The following NDUFS7 variants were observed in gnomAD, a reference collection of about 807,000 sequenced individuals.
NDUFS7 encodes NADH:ubiquinone oxidoreductase core subunit S7, also known as NADH dehydrogenase [ubiquinone] iron-sulfur protein 7, mitochondrial.
A neutral mutation model predicts 31.1 loss-of-function variants in NDUFS7; 11 were observed. The observed-to-expected ratio is 0.35, with a 90% CI of 0.22 to 0.59. NDUFS7 has a LOEUF of 0.59. NDUFS7 is among the 20% of genes least tolerant of loss of function. The pLI is 0.79. For synonymous variants in NDUFS7, 136 were observed against 127.9 expected (o/e 1.06, Z -0.43); for missense variants, 263 against 324.2 (o/e 0.81, Z 1.45).
chr19:1,384,678 G>A (rs777211043), intron 1 of NDUFS7, among the ~76,000 whole-genome samples: 3 of 152,204 alleles, frequency 2.0e-5, no homozygotes, highest in Non-Finnish European at 4.4e-5. Flanking sequence ...AAGGAGTGAG[G>A]AGTGGAAATG....
In NDUFS7 at chr19:1,391,026, C is replaced by G. The variant is rs1393554294; in HGVS notation, c.384C>G (p.Asn128Lys). 1.2e-6 allele frequency: 2 copies of G among 1,613,358 alleles called. No individual in the cohort carries two copies. Among genetic ancestry groups the G allele is most frequent in the Non-Finnish European group, 1.7e-6 (2 of 1,179,922 alleles). ...TGATCGTGGCCGGCACACTCACCAACAAGATGGCCCCAGCGCTTCGCAAGG... is the reference window on the plus strand; with the variant it reads ...TGATCGTGGCCGGCACACTCACCAAGAAGATGGCCCCAGCGCTTCGCAAGG... ...DVMIVAGTLT[N>K]KMAPALRKVY... Residue 128 changes from asparagine to lysine, a missense_variant, in exon 5 of 8, where the codon AAC becomes AAG. Coordinates refer to ENST00000233627, the MANE Select transcript of NDUFS7 (RefSeq NM_024407.5).
At position 1,387,818 on chromosome 19, in the gene NDUFS7, C is replaced by A; in HGVS notation, c.24C>A (p.Gly8=). ...CCGTGGTCCTCTCTGCAGCTCCTGG[C>A]CTGCGCGGCTTCCGGATCCTTGGTC... The part of the protein sequence containing the change: MAVLSAP[G]LRGFRILGLR... Residue 8 remains glycine, a synonymous_variant, in exon 2 of 8, where the codon GGC becomes GGA. Coordinates refer to ENST00000233627, the MANE Select transcript of NDUFS7 (RefSeq NM_024407.5). 2 of 1,611,006 alleles carry A rather than the reference C, an allele frequency of 1.2e-6. No individual in the cohort carries two copies. Among genetic ancestry groups the A allele is most frequent in the African/African-American group, 1.3e-5 (1 of 74,792 alleles).
intron 4 of NDUFS7, chr19:1,389,870 T>C (rs868748718): frequency 7.3e-6 from 2 of 273,616 alleles, no homozygotes; most frequent in African/African-American, 4.5e-5. Context: ...AGGATAGTTT[T>C]TAATGCAGGA....
chr19:1,390,530 T>C, intron 4 of NDUFS7: 1 of 452,328 alleles, frequency 2.2e-6, no homozygotes, highest in South Asian at 2.3e-5. Context: ...AGTTCCCGGT[T>C]AGACCTGCGC....
rs551856533 is a variant in NDUFS7, at chr19:1,389,063, G to A, written c.228+125G>A. The A allele has an allele frequency of 1.1e-4, 95 of 838,770 alleles. No individual in the cohort carries two copies. The African/African-American group carries it at 1.4e-3, about 13-fold the overall frequency. 52.0% of individuals were successfully genotyped at this position (838,770 alleles called of 1,614,324 possible). On this transcript the variant is annotated intron_variant, in intron 4 of 7. Transcript: ENST00000233627. Reference sequence around the variant, plus strand: ...ACAACACATGCATGCACACTCACATGCGCACATGTGCATGCAAGCTCACAT... The same window carrying A: ...ACAACACATGCATGCACACTCACATACGCACATGTGCATGCAAGCTCACAT...
At position 1,395,512 on chromosome 19, in the gene NDUFS7, C is replaced by G. The variant is rs2082591719; in HGVS notation, c.*24C>G. The G allele has an allele frequency of 6.4e-7, 1 of 1,556,884 alleles. No homozygotes were observed. The highest frequency in any genetic ancestry group is 1.9e-5 in the Admixed American group (1 of 51,374). On this transcript the variant is annotated 3_prime_UTR_variant, in exon 8 of 8. Coordinates refer to ENST00000233627, the MANE Select transcript of NDUFS7 (RefSeq NM_024407.5). Reference sequence around the variant, plus strand: ...AGCGCCGCCGCCGCCGCCGCCGGAGCCTGTCGCCGTCCTGTCCCCAGCCTG... The same window carrying G: ...AGCGCCGCCGCCGCCGCCGCCGGAGGCTGTCGCCGTCCTGTCCCCAGCCTG...
In NDUFS7 at chr19:1,395,548, G is replaced by A. The variant is rs897045019; in HGVS notation, c.*60G>A. 4.0e-5 allele frequency: 61 copies of A among 1,538,682 alleles called. No homozygotes were observed. Among genetic ancestry groups the A allele is most frequent in the East Asian group, 4.9e-5 (2 of 40,950 alleles). On this transcript the variant is annotated 3_prime_UTR_variant, in exon 8 of 8. Transcript: ENST00000233627. ...CCTGTCCCCAGCCTGCTTGTGTCCC[G>A]TGAGGTTGTCAATAAACCTGCCCTC...
At chr19:1,386,047 C>A (rs778669811) in intron 1 of NDUFS7, among the ~76,000 whole-genome samples, 2 of 152,208 alleles carry the variant, frequency 1.3e-5, no homozygotes, top group Non-Finnish European at 2.9e-5. Flanking sequence ...AGGTCACAGG[C>A]TTGTGTCCTT....
chr19:1,384,140 G>A (rs1362988958), intron 1 of NDUFS7, 198 bp downstream of exon 1: 9 of 611,602 alleles, frequency 1.5e-5, no homozygotes, highest in Non-Finnish European at 2.1e-5. Flanking sequence ...GAGTACAGTC[G>A]GGGAAACCGA....
At position 1,394,444 on chromosome 19, in the gene NDUFS7, G is replaced by T. The variant is rs564060319; in HGVS notation, c.545-947G>T. 52 of 1,273,808 alleles carry T rather than the reference G, an allele frequency of 4.1e-5. No homozygotes were observed. In the African/African-American group the frequency reaches 7.4e-4, roughly 18 times the overall value. 78.9% of individuals were successfully genotyped at this position (1,273,808 alleles called of 1,614,324 possible). On this transcript the variant is annotated intron_variant, in intron 7 of 7. Transcript: ENST00000233627. Reference sequence around the variant, plus strand: ...CTGAGCTCCTCCCTCCCTGGGGACCGCGCTCCTCCCTCCCTGCGGACTGTG... The same window carrying T: ...CTGAGCTCCTCCCTCCCTGGGGACCTCGCTCCTCCCTCCCTGCGGACTGTG...
Position 1,394,650 on chromosome 19 carries a change from C to T in NDUFS7, c.545-741C>T, listed in dbSNP as rs558446765. The T allele has an allele frequency of 1.3e-4, 161 of 1,228,994 alleles. No homozygotes were observed. The South Asian group carries it at 1.9e-3, about 15-fold the overall frequency. 76.1% of individuals were successfully genotyped at this position (1,228,994 alleles called of 1,614,324 possible). A position where few individuals can be genotyped will look rare whatever the true frequency, so the allele number is the denominator to read the frequency against. ...GACCGCGCTCCTCCCTCCCTGGGGA[C>T]CTCGCTCCTCCCTCCCTCCCTGCGG... On this transcript the variant is annotated intron_variant, in intron 7 of 7. Transcript: ENST00000233627.
In NDUFS7 at chr19:1,393,662, G is replaced by A. The variant is rs2082573027; in HGVS notation, c.544+332G>A. 1.7e-6 allele frequency: 1 copy of A among 593,184 alleles called. No homozygotes were observed. The highest frequency in any genetic ancestry group is 3.0e-6 in the Non-Finnish European group (1 of 331,604). 36.7% of individuals were successfully genotyped at this position (593,184 alleles called of 1,614,324 possible). ...ATACCAAGCGAGAAGGTTCCTGGGGGCCAAGGACACTGTCCCGCGCCCTCA... is the reference window on the plus strand; with the variant it reads ...ATACCAAGCGAGAAGGTTCCTGGGGACCAAGGACACTGTCCCGCGCCCTCA... On this transcript the variant is annotated intron_variant, in intron 7 of 7. Coordinates refer to ENST00000233627, the MANE Select transcript of NDUFS7 (RefSeq NM_024407.5). This position sits in a 1 kb window ranked among gnomAD's most constrained non-coding sequence, Gnocchi z 7.3.
intron 1 of NDUFS7, among the ~76,000 whole-genome samples, chr19:1,384,718 C>A (rs1600143792): frequency 6.6e-6 from 1 of 152,220 alleles, no homozygotes; most frequent in South Asian, 2.1e-4. Context: ...ACGTCTGCAG[C>A]CCCTGCACCA....
chr19:1,391,243 A>T (rs2082555485), intron 6 of NDUFS7, 78 bp downstream of exon 6: 3 of 1,519,046 alleles, frequency 2.0e-6, no homozygotes, highest in Non-Finnish European at 2.7e-6. Flanking sequence ...GGCGCTTATC[A>T]AAAGTGTCAT....
At chr19:1,390,620 T>C (rs2082548248) in intron 4 of NDUFS7, 2 of 585,370 alleles carry the variant, frequency 3.4e-6, no homozygotes, top group Non-Finnish European at 6.1e-6. Context: ...ATACACTGGG[T>C]TCGAGGAACT....
intron 7 of NDUFS7, chr19:1,395,051 A>G (rs1321950251): frequency 9.1e-6 from 11 of 1,209,840 alleles, no homozygotes; most frequent in Non-Finnish European, 1.1e-5. Context: ...CCCACTGCTA[A>G]GTGTGTCTGC....
chr19:1,394,282 G>A (rs1600153697), intron 7 of NDUFS7: 1 of 1,100,038 alleles, frequency 9.1e-7, no homozygotes, highest in Non-Finnish European at 1.2e-6. Flanking sequence ...GGCAGCCTGG[G>A]CCTCCCTGTG....
At chr19:1,386,662 A>G (rs986976017) in intron 1 of NDUFS7, 1 of 152,032 alleles carries the variant, frequency 6.6e-6, no homozygotes, top group African/African-American at 2.4e-5. Context: ...ACACCCAGCT[A>G]ATTTTTGTAT....
At chr19:1,389,789 T>C in intron 4 of NDUFS7, 1 of 331,610 alleles carries the variant, frequency 3.0e-6, no homozygotes, top group South Asian at 2.5e-5. Flanking sequence ...ACGTTCACTG[T>C]TTCCTTTTGT....
Sources: gnomAD v4.1 joint callset for allele counts (sites outside exome capture counted in the v4.1 genomes callset) on GRCh38, gnomAD v4.1.1 for gene constraint, Gnocchi (gnomAD v3.1) non-coding constraint, MANE v1.5 for transcripts, NCBI Gene and HGNC (gene_info 2026-07-23, HGNC 2026-07-21) for gene names.